The following NELL1 variants were observed in gnomAD, a reference collection of about 807,000 sequenced individuals.
The protein encoded by NELL1 is neural EGFL like 1.
A neutral mutation model predicts 107.4 loss-of-function variants in NELL1; 76 were observed. That is an observed-to-expected ratio of 0.71 (90% confidence interval 0.59 to 0.86). The LOEUF (loss-of-function observed/expected upper bound fraction) is 0.86. NELL1 is among the 40% of genes least tolerant of loss of function. The pLI, the probability that NELL1 is intolerant of heterozygous loss-of-function variation, is 0.00. For synonymous variants in NELL1, 353 were observed against 341.2 expected, an observed-to-expected ratio of 1.03 and a Z score of -0.38; for missense variants, 1,024 against 1,005.5, an observed-to-expected ratio of 1.02 and a Z score of -0.25.
At chr11:20,997,116 A>G (rs371047714) in intron 12 of NELL1, among the ~76,000 whole-genome samples, 30 of 152,360 alleles carry the variant, frequency 2.0e-4, no homozygotes, top group African/African-American at 6.5e-4. Context: ...AACACATCAA[A>G]GTGTATTTCA....
chr11:20,857,175 G>A (rs1225320904), intron 4 of NELL1, among the ~76,000 whole-genome samples: 1 of 152,200 alleles, frequency 6.6e-6, no homozygotes, highest in Non-Finnish European at 1.5e-5. Flanking sequence ...TTGCAGGCCA[G>A]GGAATGCAGC....
chr11:21,402,511 A>T (rs1372903742), intron 15 of NELL1, among the ~76,000 whole-genome samples: 1 of 151,792 alleles, frequency 6.6e-6, no homozygotes, highest in Admixed American at 6.6e-5. Flanking sequence ...TGTTTTTATA[A>T]AATGGCCATT....
intron 2 of NELL1, among the ~76,000 whole-genome samples, chr11:20,719,930 A>G (rs933000099): frequency 6.6e-6 from 1 of 152,186 alleles, no homozygotes; most frequent in African/African-American, 2.4e-5. Context: ...ATCTCGTCCA[A>G]CTGAAAAGAT....
At chr11:21,229,509 G>T in intron 14 of NELL1, 55 bp downstream of exon 14, 1 of 1,609,394 alleles carries the variant, frequency 6.2e-7, no homozygotes, top group Non-Finnish European at 8.5e-7. Flanking sequence ...CTGGGCTCTT[G>T]GCACTTGTGC....
intron 15 of NELL1, among the ~76,000 whole-genome samples, chr11:21,462,329 T>C (rs1265875659): frequency 3.3e-5 from 5 of 152,148 alleles, no homozygotes; most frequent in African/African-American, 1.2e-4. Flanking sequence ...TGGATACCAA[T>C]GGGCAGTGCT....
chr11:21,377,410 G>A (rs533687013), intron 15 of NELL1, among the ~76,000 whole-genome samples: 1 of 152,186 alleles, frequency 6.6e-6, no homozygotes, highest in African/African-American at 2.4e-5. Context: ...TCATCATGGT[G>A]AGTTAACTTT....
chr11:21,454,513 A>T (rs1341844897), intron 15 of NELL1, among the ~76,000 whole-genome samples: 1 of 152,192 alleles, frequency 6.6e-6, no homozygotes, highest in African/African-American at 2.4e-5. Context: ...ATATCTTATA[A>T]ACTCTAACAT....
chr11:20,764,044 G>T (rs542050732), intron 2 of NELL1, among the ~76,000 whole-genome samples: 1 of 152,178 alleles, frequency 6.6e-6, no homozygotes, highest in Non-Finnish European at 1.5e-5. Flanking sequence ...TGGGAATATG[G>T]GCTCTGCGTT....
At chr11:20,913,704 G>C (rs1206566125) in intron 5 of NELL1, among the ~76,000 whole-genome samples, 1 of 151,938 alleles carries the variant, frequency 6.6e-6, no homozygotes, top group East Asian at 1.9e-4. Flanking sequence ...CCGTCCATCC[G>C]TACTAAATAG....
At chr11:20,827,429 G>A (rs1857908065) in intron 3 of NELL1, among the ~76,000 whole-genome samples, 1 of 151,228 alleles carries the variant, frequency 6.6e-6, no homozygotes. Context: ...TTTATATGTT[G>A]CTCACATAAA....
chr11:20,949,112 T>G (rs895509231), intron 11 of NELL1, among the ~76,000 whole-genome samples: 2 of 152,224 alleles, frequency 1.3e-5, no homozygotes, highest in Admixed American at 1.3e-4. Flanking sequence ...TAAATGGGTG[T>G]GACCATGTTC....
At chr11:21,219,344 G>T (rs1259397887) in intron 13 of NELL1, among the ~76,000 whole-genome samples, 1 of 152,152 alleles carries the variant, frequency 6.6e-6, no homozygotes, top group South Asian at 2.1e-4. Context: ...CTTTTGTGCT[G>T]TTAAATTATT....
At chr11:20,871,309 T>C (rs937036844) in intron 4 of NELL1, among the ~76,000 whole-genome samples, 9 of 152,224 alleles carry the variant, frequency 5.9e-5, no homozygotes, top group Admixed American at 1.3e-4. Context: ...AGAGTGTATC[T>C]GGCTGGGACA....
intron 2 of NELL1, among the ~76,000 whole-genome samples, chr11:20,744,114 C>A (rs1398235996): frequency 1.3e-5 from 2 of 152,184 alleles, no homozygotes; most frequent in Non-Finnish European, 2.9e-5. Context: ...CAATCTTATT[C>A]CAAGCTACTA....
chr11:20,721,300 G>A (rs890377422), intron 2 of NELL1, among the ~76,000 whole-genome samples: 2 of 149,754 alleles, frequency 1.3e-5, no homozygotes, highest in African/African-American at 4.9e-5. Context: ...CTTCCTGTAC[G>A]AATTTTGTAT....
chr11:20,936,040 C>T (rs1015396997), intron 9 of NELL1, among the ~76,000 whole-genome samples: 13 of 152,074 alleles, frequency 8.5e-5, no homozygotes, highest in Non-Finnish European at 1.5e-4. Flanking sequence ...TTTACATGTA[C>T]TTTATTAGGA....
intron 14 of NELL1, among the ~76,000 whole-genome samples, chr11:21,256,958 T>C (rs920083016): frequency 2.0e-5 from 3 of 151,912 alleles, no homozygotes; most frequent in African/African-American, 7.2e-5. Flanking sequence ...TGGTAGGAAA[T>C]TTTGGGAAAA....
chr11:21,278,655 A>G (rs1304008536), intron 14 of NELL1, among the ~76,000 whole-genome samples: 1 of 152,202 alleles, frequency 6.6e-6, no homozygotes, highest in African/African-American at 2.4e-5. Context: ...AAATAGAGAG[A>G]TAATCCATGT....
intron 2 of NELL1, among the ~76,000 whole-genome samples, chr11:20,767,446 C>A (rs1192366524): frequency 6.6e-6 from 1 of 152,190 alleles, no homozygotes; most frequent in Non-Finnish European, 1.5e-5. Context: ...ACACGGAGCA[C>A]TGATTGGGAC....
Sources: allele counts gnomAD v4.1 joint callset (sites outside exome capture counted in the v4.1 genomes callset), GRCh38; gene constraint gnomAD v4.1.1; transcripts MANE v1.5; gene names NCBI Gene and HGNC (gene_info 2026-07-23, HGNC 2026-07-21).